The following ZMYND15 variants were observed in gnomAD, a reference collection of about 807,000 sequenced individuals.
The protein encoded by ZMYND15 is zinc finger MYND-type containing 15.
ZMYND15 carries 54 observed loss-of-function variants against 81.7 expected under a neutral mutation model. That is an observed-to-expected ratio of 0.66 (90% CI 0.53 to 0.83). The LOEUF is 0.83. ZMYND15 is among the 40% of genes least tolerant of loss of function. The pLI is 0.00. For missense variants in ZMYND15, 925 were observed against 973.5 expected, an observed-to-expected ratio of 0.95 and a Z score of 0.66; for synonymous variants, 399 against 387.0, an observed-to-expected ratio of 1.03 and a Z score of -0.36.
intron 1 of ZMYND15, 133 bp from the exon 2 acceptor site, chr17:4,740,386 C>A: frequency 7.5e-7 from 1 of 1,338,520 alleles, no homozygotes; most frequent in Non-Finnish European, 9.6e-7. Context: ...AAATCCTCTT[C>A]TCCGCTCCTA....
At chr17:4,740,467 A>C (rs906311678) in intron 1 of ZMYND15, 52 bp from the exon 2 acceptor site, 10 of 1,467,584 alleles carry the variant, frequency 6.8e-6, no homozygotes, top group African/African-American at 1.4e-5. Context: ...CCCAGCCCCA[A>C]ACTCCATCAT....
At position 4,741,098 on chromosome 17, in the gene ZMYND15, G is replaced by A. The variant is rs1237688663; in HGVS notation, c.550G>A (p.Glu184Lys). The change falls in exon 2 of 14, where the codon GAG (glutamate) becomes AAG (lysine). Residue 184 changes from glutamate to lysine, a missense_variant. Coordinates refer to ENST00000433935, the MANE Select transcript of ZMYND15 (RefSeq NM_001136046.3). ...GKDGCREDRV[E>K]NETRPQKRKG... ...GGATGGCTGCCGAGAGGACAGGGTG[G>A]AGAACGAAACAAGACCCCAGAAGAG... 1.3e-6 allele frequency: 2 copies of A among 1,528,406 alleles called. No individual in the cohort carries two copies. Among genetic ancestry groups the A allele is most frequent in the African/African-American group, 1.4e-5 (1 of 72,546 alleles). 94.7% of individuals were successfully genotyped at this position (1,528,406 alleles called of 1,614,324 possible).
Position 4,739,940 on chromosome 17 carries a change from G to T in ZMYND15, c.-141G>T, listed in dbSNP as rs1269928673. ...CCCGCGGACGCACCGAGCCCGGGGG[G>T]CGTGGCCGCCCGCTGAGCCGGCGAG... On this transcript the variant is annotated 5_prime_UTR_variant, in exon 1 of 14. Transcript: ENST00000433935. The surrounding 1 kb of genome is among the most constrained non-coding windows in gnomAD (Gnocchi z 5.3). 1.0e-6 allele frequency: 1 copy of T among 985,180 alleles called. No individual in the cohort carries two copies. The highest frequency in any genetic ancestry group is 1.7e-5 in the African/African-American group (1 of 57,218). 61.0% of individuals were successfully genotyped at this position (985,180 alleles called of 1,614,324 possible).
rs1247369923 is a variant in ZMYND15 at position 4,744,123 on chromosome 17, TG to T, written c.1495+22del. 1.2e-5 allele frequency: 19 copies of T among 1,608,180 alleles called. No homozygotes were observed. In the Admixed American group the frequency reaches 1.5e-4, roughly 13 times the overall value. ...CCCCAGTCCTGTAAGGAGAGCGGAGTGGGGGGTGGAGCAGGATGGGGGAGTG... is the reference window on the plus strand; with the variant it reads ...CCCCAGTCCTGTAAGGAGAGCGGAGTGGGGGTGGAGCAGGATGGGGGAGTG... On this transcript the variant is annotated intron_variant, in intron 8 of 13. Coordinates refer to ENST00000433935, the MANE Select transcript of ZMYND15 (RefSeq NM_001136046.3). The surrounding 1 kb of genome is among the most constrained non-coding windows in gnomAD (Gnocchi z 4.1).
At position 4,744,157 on chromosome 17, in the gene ZMYND15, A is replaced by G; in HGVS notation, c.1496-33A>G. On this transcript the variant is annotated intron_variant, in intron 8 of 13. Transcript: ENST00000433935. This position sits in a 1 kb window ranked among gnomAD's most constrained non-coding sequence, Gnocchi z 4.1. The stretch of plus-strand genomic sequence containing the variant: ...GAGCAGGATGGGGGAGTGAGAGTGG[A>G]CCACATCCTTAAAGCGCTGGTTTTT... 3 of 1,613,468 alleles carry G rather than the reference A, an allele frequency of 1.9e-6. No individual in the cohort carries two copies. The highest frequency in any genetic ancestry group is 2.5e-6 in the Non-Finnish European group (3 of 1,179,542).
At position 4,745,205 on chromosome 17, in the gene ZMYND15, T is replaced by C. The variant is rs746790001; in HGVS notation, c.1897-10T>C. On this transcript the variant is annotated splice_polypyrimidine_tract_variant and intron_variant, in intron 12 of 13. Coordinates refer to ENST00000433935, the MANE Select transcript of ZMYND15 (RefSeq NM_001136046.3). This position sits in a 1 kb window ranked among gnomAD's most constrained non-coding sequence, Gnocchi z 5.2. ...AGGGGCCTCTCAGAGCGACTCTCGC[T>C]CCACCCCAGTCCCTCCGAGTGCCAG... is the stretch of plus-strand genomic sequence containing the variant. The C allele has an allele frequency of 6.2e-7, 1 of 1,613,836 alleles. No homozygotes were observed.
At position 4,745,057 on chromosome 17, in the gene ZMYND15, CG is replaced by C; in HGVS notation, c.1896+132del. On this transcript the variant is annotated intron_variant, in intron 12 of 13. Coordinates refer to ENST00000433935, the MANE Select transcript of ZMYND15 (RefSeq NM_001136046.3). This position sits in a 1 kb window ranked among gnomAD's most constrained non-coding sequence, Gnocchi z 5.2. ...GCTCCACAAACCTGGGGAGTGCCCA[CG>C]GGTCCCCCTGCCTCTCTCTGTGTCT... 2 of 1,530,362 alleles carry C rather than the reference CG, an allele frequency of 1.3e-6. No homozygotes were observed. The highest frequency in any genetic ancestry group is 2.7e-5 in the African/African-American group (2 of 73,216). The allele number at this position is 1,530,362 out of a possible 1,614,324, so 94.8% of individuals were successfully genotyped here.
chr17:4,745,706 T>C lies in ZMYND15; in HGVS notation c.2058-113T>C, dbSNP rs1442942300. On this transcript the variant is annotated intron_variant, in intron 13 of 13. Transcript: ENST00000433935. The surrounding 1 kb of genome is among the most constrained non-coding windows in gnomAD (Gnocchi z 5.2). ...CGCCCCCTGGTCCCTGACCGCCCGG[T>C]GGAGCCCCGCCCCCTGGTCCCTGAC... The C allele has an allele frequency of 1.3e-5, 8 of 601,178 alleles. No homozygotes were observed. The African/African-American group carries it at 1.5e-4, about 11-fold the overall frequency. The allele number at this position is 601,178 out of a possible 1,614,324, so 37.2% of individuals were successfully genotyped here.
intron 5 of ZMYND15, among the ~76,000 whole-genome samples, chr17:4,742,856 C>G (rs1327921491): frequency 6.6e-6 from 1 of 152,156 alleles, no homozygotes; most frequent in African/African-American, 2.4e-5. Flanking sequence ...CAAGGATTAT[C>G]TTGGCTTGGT....
Position 4,743,964 on chromosome 17 carries a change from G to A in ZMYND15, c.1379-27G>A. ...TAGAGGGGGTGGGGGTCCAGGGCCA[G>A]GTCCTCTAGCAACCCTCTCCTGCCA... is the stretch of plus-strand genomic sequence containing the variant. On this transcript the variant is annotated intron_variant, in intron 7 of 13. Transcript: ENST00000433935. This position sits in a 1 kb window ranked among gnomAD's most constrained non-coding sequence, Gnocchi z 4.3. 6.4e-7 allele frequency: 1 copy of A among 1,555,554 alleles called. No homozygotes were observed. The highest frequency in any genetic ancestry group is 8.7e-7 in the Non-Finnish European group (1 of 1,148,072).
At position 4,745,265 on chromosome 17, in the gene ZMYND15, G is replaced by T; in HGVS notation, c.1947G>T (p.Val649=). The part of the protein sequence containing the change: ...FFTESSEYSC[V]MDGQTMAVAT... ...CCGAGAGCAGCGAGTACAGCTGTGT[G>T]ATGGACGGCCAGACCATGGCGGTGG... The change falls in exon 13 of 14, where the codon GTG becomes GTT. Residue 649 remains valine, a synonymous_variant. Coordinates refer to ENST00000433935, the MANE Select transcript of ZMYND15 (RefSeq NM_001136046.3). The surrounding 1 kb of genome is among the most constrained non-coding windows in gnomAD (Gnocchi z 5.2). 1 of 1,613,964 alleles carries T rather than the reference G, an allele frequency of 6.2e-7. No individual in the cohort carries two copies. The highest frequency in any genetic ancestry group is 8.5e-7 in the Non-Finnish European group (1 of 1,179,972).
chr17:4,745,901 C>T lies in ZMYND15; in HGVS notation c.2140C>T (p.Pro714Ser), dbSNP rs746628851. The T allele has an allele frequency of 6.5e-7, 1 of 1,544,136 alleles. No individual in the cohort carries two copies. The change falls in exon 14 of 14, where the codon CCA becomes TCA. Residue 714 changes from proline to serine, a missense_variant. Pro to Ser is a moderately conservative substitution (Grantham distance 74). Coordinates refer to ENST00000433935, the MANE Select transcript of ZMYND15 (RefSeq NM_001136046.3). The surrounding 1 kb of genome is among the most constrained non-coding windows in gnomAD (Gnocchi z 5.2). ...CCGCCCGGCGCCCGGGCCCCCACCC[C>T]CATCCCCAACTCCCTCTGCTCCTCC... ...GARPAPGPPP[P>S]SPTPSAPPAP...
In ZMYND15 at chr17:4,740,928, A is replaced by G; in HGVS notation, c.380A>G (p.Lys127Arg). ...GAGGAGGAAGATGAAGAAGAAGAGAAGAGAGAGGACGGGGGTGCAGGCAGC... is the reference window on the plus strand; with the variant it reads ...GAGGAGGAAGATGAAGAAGAAGAGAGGAGAGAGGACGGGGGTGCAGGCAGC... ...EEEEEDEEEE[K>R]REDGGAGSTE... The change falls in exon 2 of 14, where the codon AAG (lysine) becomes AGG (arginine). Residue 127 changes from lysine to arginine, a missense_variant. Coordinates refer to ENST00000433935, the MANE Select transcript of ZMYND15 (RefSeq NM_001136046.3). 3 of 1,582,920 alleles carry G rather than the reference A, an allele frequency of 1.9e-6. No homozygotes were observed. The highest frequency in any genetic ancestry group is 2.3e-5 in the South Asian group (2 of 87,554).
At chr17:4,740,444 C>A in intron 1 of ZMYND15, 75 bp from the exon 2 acceptor site, 1 of 1,430,946 alleles carries the variant, frequency 7.0e-7, no homozygotes, top group Non-Finnish European at 9.2e-7. Context: ...CTACCCTCTC[C>A]CTCAATTTGT....
Position 4,743,638 on chromosome 17 carries a change from T to A in ZMYND15, c.1298-129T>A. ...CTACCAACTCCACCCAGAAACCCCATCCCTATGCAAACCCCCATTCCTCTT... is the reference window on the plus strand; with the variant it reads ...CTACCAACTCCACCCAGAAACCCCAACCCTATGCAAACCCCCATTCCTCTT... On this transcript the variant is annotated intron_variant, in intron 6 of 13. Transcript: ENST00000433935. The surrounding 1 kb of genome is among the most constrained non-coding windows in gnomAD (Gnocchi z 4.3). 3 of 1,269,808 alleles carry A rather than the reference T, an allele frequency of 2.4e-6. No individual in the cohort carries two copies. The highest frequency in any genetic ancestry group is 3.2e-6 in the Non-Finnish European group (3 of 925,656). 78.7% of individuals were successfully genotyped at this position (1,269,808 alleles called of 1,614,324 possible).
chr17:4,741,069 G>A lies in ZMYND15; in HGVS notation c.521G>A (p.Gly174Asp). The change falls in exon 2 of 14, where the codon GGC becomes GAC. Residue 174 changes from glycine to aspartate, a missense_variant. Transcript: ENST00000433935. ...GAGGCTGCCCGGGAGGCAGGAGGTG[G>A]CAAGGATGGCTGCCGAGAGGACAGG... ...SEEAAREAGG[G>D]KDGCREDRVE... 1.3e-6 allele frequency: 2 copies of A among 1,546,556 alleles called. No homozygotes were observed. The highest frequency in any genetic ancestry group is 1.2e-5 in the South Asian group (1 of 83,458).
Position 4,741,940 on chromosome 17 carries a change from C to G in ZMYND15, c.853C>G (p.Leu285Val), listed in dbSNP as rs138600678. ...HRELESLVPRLGVKLAKTPMR... is the reference protein window; with the variant it reads ...HRELESLVPRVGVKLAKTPMR... ...AGAGCTGGAGAGCTTGGTCCCAAGG[C>G]TAGGTGTGAAGTTAGCCAAAACCCC... The change falls in exon 4 of 14, where the codon CTA (leucine) becomes GTA (valine). Residue 285 changes from leucine (L) to valine (V), a missense_variant. Transcript: ENST00000433935. 11 of 1,614,092 alleles carry G rather than the reference C, an allele frequency of 6.8e-6. No homozygotes were observed. The highest frequency in any genetic ancestry group is 6.7e-5 in the Admixed American group (4 of 59,998).
rs1375676054 is a variant in ZMYND15 at position 4,744,819 on chromosome 17, G to C, written c.1837+41G>C. 5 of 1,614,006 alleles carry C rather than the reference G, an allele frequency of 3.1e-6. No individual in the cohort carries two copies. Among genetic ancestry groups the C allele is most frequent in the Non-Finnish European group, 4.2e-6 (5 of 1,180,030 alleles). On this transcript the variant is annotated intron_variant, in intron 11 of 13. Transcript: ENST00000433935. This position sits in a 1 kb window ranked among gnomAD's most constrained non-coding sequence, Gnocchi z 4.1. The stretch of plus-strand genomic sequence containing the variant: ...TCAGGGTTAGGCATGTGGGGAAGGT[G>C]GGAGAGAAGCCCACCGTGGGAGCCA...
intron 5 of ZMYND15, 140 bp downstream of exon 5, chr17:4,742,631 G>C: frequency 1.7e-6 from 2 of 1,206,926 alleles, no homozygotes; most frequent in Non-Finnish European, 2.3e-6. Flanking sequence ...ACAAGGGCAG[G>C]GGCTGGGTGT....
Sources: allele counts gnomAD v4.1 joint callset (sites outside exome capture counted in the v4.1 genomes callset), GRCh38; gene constraint gnomAD v4.1.1; non-coding constraint Gnocchi (gnomAD v3.1); transcripts MANE v1.5; gene names NCBI Gene and HGNC (gene_info 2026-07-23, HGNC 2026-07-21).